PTPN13: variants seen among roughly 807,000 people sequenced by gnomAD.
PTPN13 encodes the protein tyrosine-protein phosphatase non-receptor type 13.
In PTPN13, 191 loss-of-function variants were observed where a neutral mutation model predicts 284.0. The ratio of observed to expected loss-of-function variants is 0.67; its 90% CI spans 0.60 to 0.76. The LOEUF (loss-of-function observed/expected upper bound fraction) is 0.76, where lower values mean the gene tolerates loss of function less well. Among genes scored for constraint, PTPN13 ranks in the 30% least tolerant of loss-of-function variants. The pLI is 0.00. For synonymous variants in PTPN13, 986 were observed against 1,022.3 expected, an observed-to-expected ratio of 0.96 and a Z score of 0.68; for missense variants, 2,797 against 2,939.9, an observed-to-expected ratio of 0.95 and a Z score of 1.12.
chr4:86,761,242 C>CTCAACATA (rs1738658599), intron 23 of PTPN13, among the ~76,000 whole-genome samples: 1 of 149,858 alleles, frequency 6.7e-6, no homozygotes, highest in Admixed American at 6.7e-5. Flanking sequence ...TAACTGCTTA[C>CTCAACATA]TCAACATATT....
At chr4:86,656,421 G>A (rs1050687680) in intron 2 of PTPN13, among the ~76,000 whole-genome samples, 11 of 152,138 alleles carry the variant, frequency 7.2e-5, no homozygotes, top group African/African-American at 2.4e-4. Flanking sequence ...TGGGGTTTTG[G>A]TGTGGATGTC....
At chr4:86,775,390 A>T in intron 34 of PTPN13, 48 bp downstream of exon 34, 5 of 1,600,974 alleles carry the variant, frequency 3.1e-6, no homozygotes, top group Non-Finnish European at 4.3e-6. Flanking sequence ...TGGTTAGCTT[A>T]AGAGTAAGTA....
intron 47 of PTPN13, among the ~76,000 whole-genome samples, chr4:86,814,077 G>A (rs1309580017): frequency 1.5e-5 from 2 of 135,270 alleles, no homozygotes; most frequent in East Asian, 4.4e-4. Context: ...GCACAATCTC[G>A]GCTCACTGCA....
intron 10 of PTPN13, among the ~76,000 whole-genome samples, chr4:86,730,584 A>G (rs1734823103): frequency 6.7e-6 from 1 of 149,968 alleles, no homozygotes; most frequent in Non-Finnish European, 1.5e-5. Flanking sequence ...GCAGTGAGCA[A>G]GGCTTCGTGG....
intron 32 of PTPN13, among the ~76,000 whole-genome samples, chr4:86,773,354 G>A (rs924931239): frequency 5.9e-5 from 9 of 152,042 alleles, no homozygotes; most frequent in Non-Finnish European, 2.9e-5. Context: ...ATTTTTGTCT[G>A]CTTCTCAAAT....
chr4:86,598,327 T>G (rs1373349367), intron 1 of PTPN13, among the ~76,000 whole-genome samples: 1 of 152,014 alleles, frequency 6.6e-6, no homozygotes, highest in Non-Finnish European at 1.5e-5. Context: ...ATATTTTTAG[T>G]AGAGACGAGG....
In PTPN13 at chr4:86,705,366, G is replaced by A. The variant is rs1239169830; in HGVS notation, c.1195+3565G>A. On this transcript the variant is annotated intron_variant, in intron 7 of 47. Transcript: ENST00000411767. ...AAAAAAAAGACATGCGCAAACAAACGTGCAGCTTGTTAATATGAAGATTTT... is the reference window on the plus strand; with the variant it reads ...AAAAAAAAGACATGCGCAAACAAACATGCAGCTTGTTAATATGAAGATTTT... Among the ~76,000 whole-genome samples, 5 of 141,688 alleles carry A rather than the reference G, an allele frequency of 3.5e-5. No individual in the cohort carries two copies. In the East Asian group the frequency reaches 6.0e-4, roughly 17 times the overall value. The allele number at this position is 141,688 out of a possible 152,430, so 93.0% of individuals were successfully genotyped here.
intron 2 of PTPN13, among the ~76,000 whole-genome samples, chr4:86,660,707 A>G (rs1236269417): frequency 6.6e-6 from 1 of 152,214 alleles, no homozygotes; most frequent in African/African-American, 2.4e-5. Flanking sequence ...ATACAAAATT[A>G]AATTTAATAT....
At chr4:86,723,444 C>T (rs1578499434) in intron 10 of PTPN13, among the ~76,000 whole-genome samples, 1 of 152,180 alleles carries the variant, frequency 6.6e-6, no homozygotes, top group Non-Finnish European at 1.5e-5. Context: ...TGAGGTGGAA[C>T]AGTTTCATCC....
chr4:86,790,476 A>C (rs1742488641), intron 40 of PTPN13, among the ~76,000 whole-genome samples: 1 of 152,146 alleles, frequency 6.6e-6, no homozygotes, highest in South Asian at 2.1e-4. Context: ...CAAACACACA[A>C]ATAGATATGT....
chr4:86,636,154 A>G (rs994438359), intron 2 of PTPN13, among the ~76,000 whole-genome samples: 1 of 152,128 alleles, frequency 6.6e-6, no homozygotes, highest in Non-Finnish European at 1.5e-5. Flanking sequence ...GACCCAAAAG[A>G]AAAGTTAACC....
At position 86,772,844 on chromosome 4, in the gene PTPN13, T is replaced by C. The variant is rs574873739; in HGVS notation, c.5235T>C (p.Ala1745=). 6.9e-5 allele frequency: 111 copies of C among 1,613,454 alleles called. 3 individuals carry two copies. The South Asian group carries it at 1.1e-3, about 16-fold the overall frequency. ...GQSYQPQSES[A]SSSSMDKYHI... The stretch of plus-strand genomic sequence containing the variant: ...GTTATCAACCCCAATCAGAATCTGC[T>C]TCCTCTAGTTCGATGGATAAGTATC... The change falls in exon 32 of 48, where the codon GCT becomes GCC. Residue 1745 remains alanine (A), a synonymous_variant. Transcript: ENST00000411767.
chr4:86,656,219 T>G (rs1725784831), intron 2 of PTPN13, among the ~76,000 whole-genome samples: 1 of 152,234 alleles, frequency 6.6e-6, no homozygotes, highest in Non-Finnish European at 1.5e-5. Context: ...AGTTTGATCA[T>G]CTGAAGCCTT....
At chr4:86,730,829 C>T (rs1734856681) in intron 10 of PTPN13, among the ~76,000 whole-genome samples, 1 of 152,116 alleles carries the variant, frequency 6.6e-6, no homozygotes. Context: ...CAACCAGTCC[C>T]TGTGAGATGA....
intron 7 of PTPN13, among the ~76,000 whole-genome samples, chr4:86,715,998 G>A (rs929996375): frequency 3.9e-5 from 6 of 152,156 alleles, no homozygotes; most frequent in Non-Finnish European, 5.9e-5. Flanking sequence ...TCTTATTCTG[G>A]TGGAACTAAG....
At chr4:86,692,487 G>A (rs1730130299) in intron 5 of PTPN13, among the ~76,000 whole-genome samples, 1 of 152,150 alleles carries the variant, frequency 6.6e-6, no homozygotes, top group Admixed American at 6.5e-5. Context: ...GAGTTTGTGT[G>A]TGTGTAAACA....
chr4:86,671,478 T>G (rs1727716216), intron 2 of PTPN13, among the ~76,000 whole-genome samples: 1 of 152,174 alleles, frequency 6.6e-6, no homozygotes. Flanking sequence ...TTACTTTTTA[T>G]ATGAGGGACA....
chr4:86,797,230 G>A (rs1184327905), intron 41 of PTPN13, among the ~76,000 whole-genome samples: 1 of 152,020 alleles, frequency 6.6e-6, no homozygotes, highest in African/African-American at 2.4e-5. Context: ...GGTGTCTCAT[G>A]CCTGTAATCC....
Position 86,814,682 on chromosome 4 carries a change from G to A in PTPN13, c.*131G>A. ...TGCATGTTCTCCTCTATCTTAGAGG[G>A]GTATTCTTCTTGAAAATAAAAAATA... On this transcript the variant is annotated 3_prime_UTR_variant, in exon 48 of 48. Coordinates refer to ENST00000411767, the MANE Select transcript of PTPN13 (RefSeq NM_080683.3). The A allele has an allele frequency of 6.8e-6, 4 of 585,366 alleles. No individual in the cohort carries two copies. Among genetic ancestry groups the A allele is most frequent in the Non-Finnish European group, 1.2e-5 (4 of 335,714 alleles). 36.3% of individuals were successfully genotyped at this position (585,366 alleles called of 1,614,324 possible).
Sources: allele counts gnomAD v4.1 joint callset (sites outside exome capture counted in the v4.1 genomes callset), GRCh38; gene constraint gnomAD v4.1.1; transcripts MANE v1.5; gene names NCBI Gene and HGNC (gene_info 2026-07-23, HGNC 2026-07-21).